KCNH1: variants seen among roughly 807,000 people sequenced by gnomAD.
KCNH1 encodes the protein voltage-gated delayed rectifier potassium channel KCNH1.
KCNH1 carries 27 observed loss-of-function variants against 69.2 expected under a neutral mutation model. The ratio of observed to expected loss-of-function variants is 0.39; its 90% CI spans 0.29 to 0.54. The LOEUF (loss-of-function observed/expected upper bound fraction) is 0.54, where lower values mean the gene tolerates loss of function less well. Among genes scored for constraint, KCNH1 ranks in the 20% least tolerant of loss-of-function variants. The probability of loss-of-function intolerance (pLI) is 0.68; values close to 1 mark genes in which losing one functional copy is unlikely to be tolerated. For synonymous variants in KCNH1, 456 were observed against 487.7 expected (o/e 0.93, Z 0.86); for missense variants, 798 against 1,261.6 (o/e 0.63, Z 5.57).
At chr1:211,068,509 C>A (rs1690574632) in intron 5 of KCNH1, among the ~76,000 whole-genome samples, 1 of 152,114 alleles carries the variant, frequency 6.6e-6, no homozygotes, top group South Asian at 2.1e-4. Flanking sequence ...GATTCTTCTG[C>A]CTCAGCCTGC....
intron 10 of KCNH1, among the ~76,000 whole-genome samples, chr1:210,775,035 A>T (rs889266642): frequency 6.6e-6 from 1 of 152,154 alleles, no homozygotes; most frequent in African/African-American, 2.4e-5. Context: ...TAGCAACCTC[A>T]CATTTCACTC....
chr1:210,807,081 C>T (rs932202416), intron 7 of KCNH1, among the ~76,000 whole-genome samples: 1 of 150,690 alleles, frequency 6.6e-6, no homozygotes, highest in African/African-American at 2.4e-5. Context: ...CCCAGTTTCC[C>T]CCATTAATTA....
At chr1:210,974,805 A>C (rs1218311990) in intron 6 of KCNH1, among the ~76,000 whole-genome samples, 1 of 151,720 alleles carries the variant, frequency 6.6e-6, no homozygotes, top group Non-Finnish European at 1.5e-5. Context: ...CTCGTGATCC[A>C]CCCACCTTGG....
At chr1:210,954,627 G>A (rs1400520259) in intron 6 of KCNH1, among the ~76,000 whole-genome samples, 2 of 152,122 alleles carry the variant, frequency 1.3e-5, no homozygotes, top group African/African-American at 2.4e-5. Flanking sequence ...TCTCATTGTG[G>A]CTTTGATTTG....
At chr1:211,048,512 C>T (rs1178619070) in intron 5 of KCNH1, among the ~76,000 whole-genome samples, 1 of 152,012 alleles carries the variant, frequency 6.6e-6, no homozygotes, top group Admixed American at 6.6e-5. Context: ...TACTACTCAG[C>T]CATAAAAAGG....
rs536670375 is a variant in KCNH1 at position 210,832,017 on chromosome 1, G to A, written c.1463-27851C>T. Among the ~76,000 whole-genome samples, 37 of 152,110 alleles carry A rather than the reference G, an allele frequency of 2.4e-4. No homozygotes were observed. The East Asian group carries it at 5.8e-3, about 24-fold the overall frequency. On this transcript the variant is annotated intron_variant, in intron 7 of 10. Transcript: ENST00000271751. ...ATTTAAATAGTTACGTGTGGTTAGT[G>A]GCTATTATATTGAATGGTTCAGATT...
At chr1:210,899,188 T>C (rs1686938950) in intron 7 of KCNH1, among the ~76,000 whole-genome samples, 1 of 152,226 alleles carries the variant, frequency 6.6e-6, no homozygotes, top group Admixed American at 6.5e-5. Context: ...ACTGTCCTTT[T>C]TGACTCTCAT....
chr1:210,979,672 A>G (rs992448314), intron 6 of KCNH1, among the ~76,000 whole-genome samples: 17 of 151,954 alleles, frequency 1.1e-4, no homozygotes, highest in Non-Finnish European at 1.9e-4. Context: ...GGAGCTTTTT[A>G]TTTCAAGCAT....
chr1:210,742,271 A>G (rs1447771340), intron 10 of KCNH1, among the ~76,000 whole-genome samples: 1 of 152,224 alleles, frequency 6.6e-6, no homozygotes, highest in East Asian at 1.9e-4. Context: ...GCTAGAATAA[A>G]TCTTAGCAAA....
At chr1:211,112,317 G>A (rs1430868158) in intron 1 of KCNH1, among the ~76,000 whole-genome samples, 10 of 7,402 alleles carry the variant, frequency 1.4e-3, no homozygotes, top group African/African-American at 4.8e-3. Context: ...CCCCTCCCCC[G>A]GGGCCCGGGT....
chr1:211,086,699 C>T (rs1019388106), intron 4 of KCNH1, among the ~76,000 whole-genome samples: 2 of 152,124 alleles, frequency 1.3e-5, no homozygotes, highest in African/African-American at 4.8e-5. Context: ...AGCTGAGCCA[C>T]CAATGAGCCT....
intron 6 of KCNH1, among the ~76,000 whole-genome samples, chr1:210,961,345 T>C (rs1014107993): frequency 5.3e-5 from 8 of 152,268 alleles, no homozygotes; most frequent in Admixed American, 1.3e-4. Context: ...TTTCCTTTAT[T>C]TCATTGGGAC....
At chr1:210,908,402 T>C (rs775056758) in intron 7 of KCNH1, among the ~76,000 whole-genome samples, 2 of 152,202 alleles carry the variant, frequency 1.3e-5, no homozygotes, top group Non-Finnish European at 2.9e-5. Context: ...AGCGCCTGCA[T>C]GTGAGCACAG....
chr1:210,786,028 T>G (rs1477237977), intron 9 of KCNH1, among the ~76,000 whole-genome samples: 1 of 152,214 alleles, frequency 6.6e-6, no homozygotes, highest in Non-Finnish European at 1.5e-5. Context: ...CCCGTCATAC[T>G]TATTTTCTCT....
chr1:210,869,601 G>A (rs550010669), intron 7 of KCNH1, among the ~76,000 whole-genome samples: 1 of 150,994 alleles, frequency 6.6e-6, no homozygotes, highest in Admixed American at 6.6e-5. Context: ...GCTGGATATT[G>A]TCCTCTTTAA....
At position 210,729,397 on chromosome 1, in the gene KCNH1, C is replaced by G. The variant is rs11804564; in HGVS notation, c.2113-45259G>C. 5.7e-3 allele frequency among the ~76,000 whole-genome samples: 865 copies of G among 152,298 alleles called. 10 individuals carry two copies. The highest frequency in any genetic ancestry group is 0.018 in the African/African-American group (735 of 41,570). On this transcript the variant is annotated intron_variant, in intron 10 of 10. Coordinates refer to ENST00000271751, the MANE Select transcript of KCNH1 (RefSeq NM_172362.3). ...GTAGAAATACCCCAAGTCTAACTTT[C>G]AATACTTACGGCAATAATGTCCACC...
At chr1:211,095,476 C>T (rs1301139383) in intron 3 of KCNH1, among the ~76,000 whole-genome samples, 1 of 152,186 alleles carries the variant, frequency 6.6e-6, no homozygotes, top group African/African-American at 2.4e-5. Context: ...TCCCTTAGGT[C>T]ATGTAGTAAT....
At chr1:210,937,111 A>ATTCC (rs1687787475) in intron 6 of KCNH1, among the ~76,000 whole-genome samples, 1 of 151,952 alleles carries the variant, frequency 6.6e-6, no homozygotes, top group South Asian at 2.1e-4. Flanking sequence ...ACTTCCTAAT[A>ATTCC]TTCCTTCCTA....
intron 10 of KCNH1, among the ~76,000 whole-genome samples, chr1:210,709,184 G>A (rs537873860): frequency 1.1e-4 from 17 of 152,346 alleles, no homozygotes; most frequent in African/African-American, 4.1e-4. Context: ...AGGAGGCAGA[G>A]GTTGTAGTGA....
Sources: allele counts gnomAD v4.1 joint callset (sites outside exome capture counted in the v4.1 genomes callset), GRCh38; gene constraint gnomAD v4.1.1; transcripts MANE v1.5; gene names NCBI Gene and HGNC (gene_info 2026-07-23, HGNC 2026-07-21).